Variants in ACTN1 observed in about 807,000 individuals in gnomAD.
The protein encoded by ACTN1 is actinin alpha 1, also known as alpha-actinin-1.
A neutral mutation model predicts 119.6 loss-of-function variants in ACTN1; 30 were observed. The ratio of observed to expected loss-of-function variants is 0.25; its 90% CI spans 0.19 to 0.34. ACTN1 has a LOEUF of 0.34. Among genes scored for constraint, ACTN1 ranks in the 10% least tolerant of loss-of-function variants. The pLI, the probability that ACTN1 is intolerant of heterozygous loss-of-function variation, is 1.00. For missense variants in ACTN1, 764 were observed against 1,223.4 expected, an observed-to-expected ratio of 0.62 and a Z score of 5.60; for synonymous variants, 429 against 472.6, an observed-to-expected ratio of 0.91 and a Z score of 1.20.
intron 3 of ACTN1, among the ~76,000 whole-genome samples, chr14:68,918,476 C>T (rs549065928): frequency 6.8e-6 from 1 of 146,386 alleles, no homozygotes; most frequent in South Asian, 2.2e-4. Context: ...GTCCCAGCTA[C>T]TCGGGAGGCT....
At chr14:68,933,258 T>A (rs1027750842) in intron 1 of ACTN1, among the ~76,000 whole-genome samples, 2 of 152,034 alleles carry the variant, frequency 1.3e-5, no homozygotes, top group Non-Finnish European at 2.9e-5. Context: ...CTCAGCCTCC[T>A]GAGTATCTGG....
intron 3 of ACTN1, among the ~76,000 whole-genome samples, chr14:68,916,288 C>T (rs916261888): frequency 6.6e-6 from 1 of 152,194 alleles, no homozygotes; most frequent in Non-Finnish European, 1.5e-5. Context: ...CCAGGGCCTC[C>T]CGCTGGCCCT....
intron 1 of ACTN1, chr14:68,978,092 C>T (rs1436766369): frequency 2.2e-6 from 1 of 455,048 alleles, no homozygotes; most frequent in Non-Finnish European, 4.4e-6. Flanking sequence ...GGCGCGCACC[C>T]GGCACACCGC....
At chr14:68,978,680 G>A (rs1467239517) in intron 1 of ACTN1, 2 of 325,516 alleles carry the variant, frequency 6.1e-6, no homozygotes, top group Non-Finnish European at 1.1e-5. Context: ...AGGGTGGCCT[G>A]GACCACGGAC....
At chr14:68,929,320 G>A (rs2035099775) in intron 1 of ACTN1, among the ~76,000 whole-genome samples, 1 of 152,168 alleles carries the variant, frequency 6.6e-6, no homozygotes, top group Admixed American at 6.5e-5. Context: ...AGGAGAGGAA[G>A]GTCAAAGCCA....
chr14:68,928,409 A>C (rs1195234707), intron 1 of ACTN1, among the ~76,000 whole-genome samples: 1 of 151,936 alleles, frequency 6.6e-6, no homozygotes, highest in Non-Finnish European at 1.5e-5. Flanking sequence ...GGCTCTGGGC[A>C]CCTCTCAAAC....
intron 11 of ACTN1, chr14:68,887,525 A>C: frequency 8.0e-7 from 1 of 1,250,378 alleles, no homozygotes; most frequent in Non-Finnish European, 1.1e-6. Flanking sequence ...CTGACACCCG[A>C]GACAGTCAAA....
chr14:68,923,157 G>A (rs1029284202), intron 2 of ACTN1, among the ~76,000 whole-genome samples: 2 of 152,148 alleles, frequency 1.3e-5, no homozygotes, highest in African/African-American at 4.8e-5. Flanking sequence ...TAATGTTCCC[G>A]GAGCACCGCC....
In ACTN1 at chr14:68,880,840, G is replaced by A. The variant is rs756946993; in HGVS notation, c.2103C>T (p.Phe701=). ...TGGTGTAGTTGGTGTGCTTGTTGTC[G>A]AAGATGAGCGCCTCCTGGATGAGCT... ...DHQLIQEALI[F]DNKHTNYTME... Residue 701 remains phenylalanine (F), a synonymous_variant, in exon 17 of 22, where the codon TTC becomes TTT. Coordinates refer to ENST00000394419, the MANE Select transcript of ACTN1 (RefSeq NM_001130004.2). The surrounding 1 kb of genome is among the most constrained non-coding windows in gnomAD (Gnocchi z 4.6). 7.4e-6 allele frequency: 12 copies of A among 1,614,004 alleles called. No individual in the cohort carries two copies. The highest frequency in any genetic ancestry group is 3.3e-5 in the Admixed American group (2 of 60,006).
At chr14:68,883,195 G>A in intron 14 of ACTN1, 140 bp from the exon 15 acceptor site, 1 of 902,812 alleles carries the variant, frequency 1.1e-6, no homozygotes, top group South Asian at 1.7e-5. Flanking sequence ...TGAGAACCAG[G>A]ATGGCAGGTA....
chr14:68,913,977 C>T (rs1176081840), intron 3 of ACTN1, among the ~76,000 whole-genome samples: 1 of 152,196 alleles, frequency 6.6e-6, no homozygotes, highest in Non-Finnish European at 1.5e-5. Flanking sequence ...ACTCCCAACA[C>T]TTTGGGAGGC....
chr14:68,884,722 G>T (rs1332117109), intron 13 of ACTN1, 53 bp downstream of exon 13: 2 of 1,440,500 alleles, frequency 1.4e-6, no homozygotes, highest in Non-Finnish European at 2.0e-6. Flanking sequence ...AGCAGGAAGG[G>T]GCACCACAGG....
intron 8 of ACTN1, among the ~76,000 whole-genome samples, chr14:68,899,544 A>G (rs1358749847): frequency 2.0e-5 from 3 of 150,886 alleles, no homozygotes; most frequent in Non-Finnish European, 4.4e-5. Flanking sequence ...CACACACCCC[A>G]TATCTCACCC....
chr14:68,890,081 G>A (rs2032356079), intron 11 of ACTN1, 58 bp downstream of exon 11: 1 of 1,587,138 alleles, frequency 6.3e-7, no homozygotes, highest in Admixed American at 1.9e-5. Context: ...CTGCTGGCTG[G>A]GCTGAAGAGT....
chr14:68,921,347 C>T (rs2034637623), intron 2 of ACTN1: 1 of 475,986 alleles, frequency 2.1e-6, no homozygotes, highest in Non-Finnish European at 3.6e-6. Flanking sequence ...TTCTGCTTCT[C>T]AGGTCGAAAT....
chr14:68,947,735 T>C (rs1383698350), intron 1 of ACTN1, among the ~76,000 whole-genome samples: 2 of 152,216 alleles, frequency 1.3e-5, no homozygotes, highest in African/African-American at 4.8e-5. Flanking sequence ...GCTCTTATTT[T>C]CTGTCCCCAA....
At chr14:68,939,094 GCCTC>G (rs1013116721) in intron 1 of ACTN1, among the ~76,000 whole-genome samples, 1 of 152,196 alleles carries the variant, frequency 6.6e-6, no homozygotes, top group African/African-American at 2.4e-5. Context: ...CTCTGATCTG[GCCTC>G]CCTGCCATCC....
At chr14:68,956,241 G>C (rs2140570795) in intron 1 of ACTN1, among the ~76,000 whole-genome samples, 1 of 152,238 alleles carries the variant, frequency 6.6e-6, no homozygotes, top group East Asian at 1.9e-4. Flanking sequence ...AGAGGGAGGG[G>C]GATCGCTTAA....
At chr14:68,921,870 C>T (rs1355415117) in intron 2 of ACTN1, among the ~76,000 whole-genome samples, 1 of 152,152 alleles carries the variant, frequency 6.6e-6, no homozygotes, top group Non-Finnish European at 1.5e-5. Flanking sequence ...CCCTCCACCC[C>T]CACCTCCAGA....
Sources: gnomAD v4.1 joint callset for allele counts (sites outside exome capture counted in the v4.1 genomes callset) on GRCh38, gnomAD v4.1.1 for gene constraint, Gnocchi (gnomAD v3.1) non-coding constraint, MANE v1.5 for transcripts, NCBI Gene and HGNC (gene_info 2026-07-23, HGNC 2026-07-21) for gene names.